The following REPS2 variants were observed in gnomAD, a reference collection of about 807,000 sequenced individuals.
REPS2 encodes ralBP1-associated Eps domain-containing protein 2.
Under a neutral mutation model 53.6 loss-of-function variants are expected in REPS2, and 23 were observed. The ratio of observed to expected loss-of-function variants is 0.43; its 90% CI spans 0.31 to 0.61. The LOEUF (loss-of-function observed/expected upper bound fraction) is 0.61. Among genes scored for constraint, REPS2 ranks in the 20% least tolerant of loss-of-function variants. The probability of loss-of-function intolerance (pLI) is 0.11; values close to 1 mark genes in which losing one functional copy is unlikely to be tolerated. For missense variants in REPS2, 446 were observed against 534.9 expected (o/e 0.83, Z 1.64); for synonymous variants, 238 against 218.6 (o/e 1.09, Z -0.78).
At chrX:17,076,941 T>G (rs1264250545) in intron 12 of REPS2, among the ~76,000 whole-genome samples, 1 of 112,054 alleles carries the variant, frequency 8.9e-6, no homozygotes. Flanking sequence ...TGTTAGAACA[T>G]GGAAATGCCT....
At chrX:17,158,554 CAG>C in the REPS2 span, among the ~76,000 whole-genome samples, 2 of 111,870 alleles carry the variant, frequency 1.8e-5, no homozygotes, top group African/African-American at 3.2e-5. Context: ...GTTTTTTAAA[CAG>C]GGCATACAAA....
intron 1 of REPS2, among the ~76,000 whole-genome samples, chrX:16,954,241 T>G (rs2060562436): frequency 8.9e-6 from 1 of 111,857 alleles, no homozygotes; most frequent in African/African-American, 3.3e-5. Context: ...ATTACAGGTG[T>G]GAGCCACCAC....
downstream of REPS2, among the ~76,000 whole-genome samples, chrX:17,156,725 CA>C (rs1340818520): frequency 9.0e-6 from 1 of 111,340 alleles, no homozygotes; most frequent in Non-Finnish European, 1.9e-5. Context: ...GAAGGAAAGC[CA>C]GGGGGAAGAA....
At chrX:17,136,318 T>C (rs1444721676) in intron 16 of REPS2, 2 of 112,187 alleles carry the variant, frequency 1.8e-5, no homozygotes, top group Admixed American at 1.9e-4. Flanking sequence ...TCTGCAGCCC[T>C]CTCCTTCAGA....
At chrX:17,006,016 T>C (rs750672621) in intron 1 of REPS2, among the ~76,000 whole-genome samples, 36 of 112,027 alleles carry the variant, frequency 3.2e-4, no homozygotes, top group South Asian at 7.4e-4. Flanking sequence ...TGAAACATCA[T>C]GAATAGGTAG....
At chrX:16,986,901 C>A (rs187664539) in intron 1 of REPS2, among the ~76,000 whole-genome samples, 56 of 105,752 alleles carry the variant, frequency 5.3e-4, no homozygotes, top group Non-Finnish European at 2.0e-4. Context: ...CTGGTTAGTA[C>A]CCTTATAGAT....
the REPS2 span, among the ~76,000 whole-genome samples, chrX:17,167,463 C>T: frequency 1.8e-5 from 2 of 110,484 alleles, no homozygotes; most frequent in Non-Finnish European, 3.8e-5. Context: ...TGAACCTTCC[C>T]TACTTAACTG....
intron 14 of REPS2, among the ~76,000 whole-genome samples, chrX:17,121,751 G>A (rs1348173075): frequency 9.1e-6 from 1 of 110,032 alleles, no homozygotes; most frequent in Non-Finnish European, 1.9e-5. Context: ...TCACTCTGTC[G>A]CCCAGGCTGG....
At chrX:16,959,873 TAA>T (rs1211212096) in intron 1 of REPS2, among the ~76,000 whole-genome samples, 1 of 111,366 alleles carries the variant, frequency 9.0e-6, no homozygotes, top group Non-Finnish European at 1.9e-5. Flanking sequence ...CAAGATACCA[TAA>T]GAGGAGAAAA....
chrX:17,059,808 G>A (rs2062131445), intron 8 of REPS2, among the ~76,000 whole-genome samples: 1 of 111,113 alleles, frequency 9.0e-6, no homozygotes, highest in African/African-American at 3.3e-5. Flanking sequence ...TGTATCTGAT[G>A]CCATTTTACT....
intron 13 of REPS2, among the ~76,000 whole-genome samples, chrX:17,102,998 T>C (rs766358104): frequency 8.9e-6 from 1 of 112,556 alleles, no homozygotes; most frequent in East Asian, 2.8e-4. Flanking sequence ...TTATTTTCAT[T>C]GCTAAGGTAC....
chrX:16,962,785 T>G (rs1482395847), intron 1 of REPS2, among the ~76,000 whole-genome samples: 1 of 112,279 alleles, frequency 8.9e-6, no homozygotes, highest in African/African-American at 3.2e-5. Flanking sequence ...GTTAAAGTTA[T>G]GCCATAAAAA....
In REPS2 at chrX:17,006,299, G is replaced by A. The variant is rs372877131; in HGVS notation, c.352G>A (p.Ala118Thr). 7 of 1,208,526 alleles carry A rather than the reference G, an allele frequency of 5.8e-6. No homozygotes were observed. Among genetic ancestry groups the A allele is most frequent in the African/African-American group, 1.7e-5 (1 of 57,180 alleles). The part of the protein sequence containing the change: ...QFYIALKLIA[A>T]AQSGLPVRIE... ...TTACATTGCCCTGAAATTAATTGCT[G>A]CAGCACAATCTGGCCTCCCGGTACG... Residue 118 changes from alanine to threonine, a missense_variant, in exon 2 of 18, where the codon GCA becomes ACA. Coordinates refer to ENST00000357277, the MANE Select transcript of REPS2 (RefSeq NM_004726.3).
intron 13 of REPS2, among the ~76,000 whole-genome samples, chrX:17,102,157 A>T (rs1316085434): frequency 9.0e-6 from 1 of 110,728 alleles, no homozygotes; most frequent in Non-Finnish European, 1.9e-5. Flanking sequence ...ATCATGGCTC[A>T]CGGAAGCCTC....
chrX:17,139,646 A>G (rs940905594), intron 17 of REPS2, among the ~76,000 whole-genome samples: 1 of 111,574 alleles, frequency 9.0e-6, no homozygotes, highest in Non-Finnish European at 1.9e-5. Context: ...TGGCAGAGCT[A>G]TGATCTCTTT....
chrX:16,962,274 GAT>G (rs1455212804), intron 1 of REPS2, among the ~76,000 whole-genome samples: 3 of 62,799 alleles, frequency 4.8e-5, no homozygotes, highest in South Asian at 1.0e-3. Context: ...AATATCGTGG[GAT>G]ACACACACAC....
At chrX:17,011,421 C>G (rs993944962) in intron 2 of REPS2, among the ~76,000 whole-genome samples, 8 of 111,074 alleles carry the variant, frequency 7.2e-5, no homozygotes, top group African/African-American at 2.6e-4. Flanking sequence ...AAGTTGAGCA[C>G]GTGTGAGGAC....
At chrX:17,074,959 A>G (rs761689870) in intron 12 of REPS2, among the ~76,000 whole-genome samples, 1 of 112,073 alleles carries the variant, frequency 8.9e-6, no homozygotes, top group Admixed American at 9.5e-5. Flanking sequence ...CATATTTTAT[A>G]TGCTTGAAAT....
At chrX:17,010,571 A>G (rs997163973) in intron 2 of REPS2, among the ~76,000 whole-genome samples, 3 of 110,687 alleles carry the variant, frequency 2.7e-5, no homozygotes, top group Admixed American at 9.6e-5. Context: ...AGGTTTCACT[A>G]TTTTTTTTGT....
Sources: allele counts gnomAD v4.1 joint callset (sites outside exome capture counted in the v4.1 genomes callset), GRCh38; gene constraint gnomAD v4.1.1; transcripts MANE v1.5; gene names NCBI Gene and HGNC (gene_info 2026-07-23, HGNC 2026-07-21).